The following GALNT2 variants were observed in gnomAD, a reference collection of about 807,000 sequenced individuals.
GALNT2 encodes polypeptide N-acetylgalactosaminyltransferase 2, also known as UDP-GalNAc:polypeptide N-acetylgalactosaminyltransferase 2.
A neutral mutation model predicts 81.4 loss-of-function variants in GALNT2; 31 were observed. The ratio of observed to expected loss-of-function variants is 0.38; its 90% CI spans 0.29 to 0.51. GALNT2 has a LOEUF of 0.51. GALNT2 is among the 20% of genes least tolerant of loss of function. The pLI is 0.87. For synonymous variants in GALNT2, 303 were observed against 287.4 expected, an observed-to-expected ratio of 1.05 and a Z score of -0.55; for missense variants, 629 against 765.7, an observed-to-expected ratio of 0.82 and a Z score of 2.11.
At chr1:230,159,384 C>A (rs1286029038) in intron 1 of GALNT2, among the ~76,000 whole-genome samples, 5 of 152,134 alleles carry the variant, frequency 3.3e-5, no homozygotes, top group Admixed American at 3.3e-4. Context: ...AGAAAGAGAC[C>A]CTGAGTGTGA....
chr1:230,242,481 AG>A (rs561988665), intron 6 of GALNT2, among the ~76,000 whole-genome samples: 49 of 152,254 alleles, frequency 3.2e-4, no homozygotes, highest in African/African-American at 1.2e-3. Flanking sequence ...ATATAGCAAA[AG>A]CCATTTATGA....
chr1:230,209,579 T>C (rs11122465), intron 3 of GALNT2, among the ~76,000 whole-genome samples: 86,587 of 152,192 alleles, frequency 0.57, 27,314 homozygotes, highest in East Asian at 0.9. Flanking sequence ...CAGTGGCTCA[T>C]GCCTGTAATC....
chr1:230,218,556 G>A (rs12059857), intron 3 of GALNT2, among the ~76,000 whole-genome samples: 1 of 152,180 alleles, frequency 6.6e-6, no homozygotes, highest in Non-Finnish European at 1.5e-5. Flanking sequence ...AATACTAGCT[G>A]CTATTCAGGA....
At chr1:230,204,424 C>T (rs1664000625) in intron 3 of GALNT2, among the ~76,000 whole-genome samples, 1 of 152,218 alleles carries the variant, frequency 6.6e-6, no homozygotes, top group Non-Finnish European at 1.5e-5. Flanking sequence ...CCGCCTCGGC[C>T]TCCCAAAGTG....
At position 230,278,051 on chromosome 1, in the gene GALNT2, CT is replaced by C. The variant is rs551826236; in HGVS notation, c.1561-1241del. Among the ~76,000 whole-genome samples, 644 of 139,206 alleles carry C rather than the reference CT, an allele frequency of 4.6e-3. 2 individuals carry two copies. Among genetic ancestry groups the C allele is most frequent in the Middle Eastern group, 0.023 (6 of 264 alleles). The allele number at this position is 139,206 out of a possible 152,430, so 91.3% of individuals were successfully genotyped here. A position where few individuals can be genotyped will look rare whatever the true frequency, so the allele number is the denominator to read the frequency against. ...AGCTTTGGGGAAGAAAAAAATGTTA[CT>C]TTTTTTTTTTAAGAACAAACATTAG... On this transcript the variant is annotated intron_variant, in intron 15 of 15. Transcript: ENST00000366672.
chr1:230,135,446 C>T (rs772090338), intron 1 of GALNT2, among the ~76,000 whole-genome samples: 4 of 152,220 alleles, frequency 2.6e-5, no homozygotes, highest in Non-Finnish European at 2.9e-5. Flanking sequence ...ACTCTGAATT[C>T]ATCTGAGGTG....
At chr1:230,253,726 A>G (rs1665620733) in intron 10 of GALNT2, among the ~76,000 whole-genome samples, 2 of 152,208 alleles carry the variant, frequency 1.3e-5, no homozygotes, top group South Asian at 4.1e-4. Context: ...GAAACTCTGT[A>G]TATATTATGG....
chr1:230,236,287 C>A (rs937414392), intron 4 of GALNT2, 66 bp from the exon 5 acceptor site: 28 of 1,517,922 alleles, frequency 1.8e-5, no homozygotes, highest in African/African-American at 4.1e-5. Flanking sequence ...TGAGAATTTT[C>A]TACCCCAGGC....
intron 1 of GALNT2, among the ~76,000 whole-genome samples, chr1:230,090,424 C>G (rs751448213): frequency 2.0e-5 from 3 of 152,140 alleles, no homozygotes; most frequent in Non-Finnish European, 4.4e-5. Context: ...CCTCCACAGC[C>G]TCTGCAAATG....
intron 3 of GALNT2, among the ~76,000 whole-genome samples, chr1:230,235,213 CA>C (rs10532058): frequency 0.054 from 4,115 of 76,790 alleles, 38 homozygotes; most frequent in Non-Finnish European, 0.072. Context: ...GACCCTGTCT[CA>C]AAAAAAAAAA....
intron 8 of GALNT2, among the ~76,000 whole-genome samples, chr1:230,247,973 T>C (rs957418778): frequency 6.6e-5 from 10 of 152,242 alleles, no homozygotes; most frequent in African/African-American, 1.9e-4. Flanking sequence ...TTTTCCTTCG[T>C]GGCCTTTGAG....
chr1:230,152,065 C>G (rs1662109937), intron 1 of GALNT2, among the ~76,000 whole-genome samples: 1 of 152,152 alleles, frequency 6.6e-6, no homozygotes, highest in East Asian at 1.9e-4. Flanking sequence ...TTTACTGTAG[C>G]CTGTCTTATC....
chr1:230,160,115 C>T (rs1414155975), intron 1 of GALNT2, among the ~76,000 whole-genome samples: 1 of 152,230 alleles, frequency 6.6e-6, no homozygotes, highest in Admixed American at 6.5e-5. Flanking sequence ...CATAGTCCTT[C>T]CTCACTCCCT....
At chr1:230,265,218 G>A in intron 13 of GALNT2, 23 bp from the exon 14 acceptor site, 1 of 1,614,116 alleles carries the variant, frequency 6.2e-7, no homozygotes. Context: ...AGTGAAGCAG[G>A]TGATTCTCAC....
intron 1 of GALNT2, among the ~76,000 whole-genome samples, chr1:230,091,282 G>T (rs563172168): frequency 4.6e-5 from 7 of 151,698 alleles, no homozygotes; most frequent in African/African-American, 1.7e-4. Context: ...CACCGTGTTG[G>T]CCAGGATGGT....
upstream of GALNT2, among the ~76,000 whole-genome samples, chr1:230,064,438 G>A (rs1571918028): frequency 6.6e-6 from 1 of 152,282 alleles, no homozygotes; most frequent in East Asian, 1.9e-4. Flanking sequence ...TGTGAGTCAC[G>A]TTCTCTGAAT....
chr1:230,070,043 A>G lies in GALNT2; in HGVS notation c.126+2637A>G, dbSNP rs891224773. Among the ~76,000 whole-genome samples the G allele has an allele frequency of 6.6e-6, 1 of 152,176 alleles. No homozygotes were observed. Among genetic ancestry groups the G allele is most frequent in the Non-Finnish European group, 1.5e-5 (1 of 68,042 alleles). ...TTAAGTAACTCATCACAGAACTGTT[A>G]TTCTCCACTTGGCAAAACCCAGAGA... On this transcript the variant is annotated intron_variant, in intron 1 of 15. Coordinates refer to ENST00000366672, the MANE Select transcript of GALNT2 (RefSeq NM_004481.5). This position sits in a 1 kb window ranked among gnomAD's most constrained non-coding sequence, Gnocchi z 4.7.
At chr1:230,244,515 G>T (rs748661625) in intron 7 of GALNT2, among the ~76,000 whole-genome samples, 2 of 114,684 alleles carry the variant, frequency 1.7e-5, no homozygotes, top group African/African-American at 3.4e-5. Context: ...CCCTGGCTAC[G>T]CTCCGCCAGG....
In GALNT2 at chr1:230,236,697, G is replaced by A. The variant is rs778668051; in HGVS notation, c.579G>A (p.Val193=). The A allele has an allele frequency of 2.6e-5, 42 of 1,613,750 alleles. No individual in the cohort carries two copies. Among genetic ancestry groups the A allele is most frequent in the Non-Finnish European group, 3.6e-5 (42 of 1,179,944 alleles). ...DGALLGKIEK[V]RVLRNDRREG... ...CTCTCTTGGGGAAAATTGAGAAAGT[G>A]CGAGTTCTTAGAAATGATCGACGAG... is the stretch of plus-strand genomic sequence containing the variant. Residue 193 remains valine, a synonymous_variant, in exon 6 of 16, where the codon GTG becomes GTA. Transcript: ENST00000366672.
Sources: allele counts gnomAD v4.1 joint callset (sites outside exome capture counted in the v4.1 genomes callset), GRCh38; gene constraint gnomAD v4.1.1; non-coding constraint Gnocchi (gnomAD v3.1); transcripts MANE v1.5; gene names NCBI Gene and HGNC (gene_info 2026-07-23, HGNC 2026-07-21).